Variants in NDST3 observed in about 807,000 individuals in gnomAD.
The protein encoded by NDST3 is bifunctional heparan sulfate N-deacetylase/N-sulfotransferase 3.
In NDST3, 58 loss-of-function variants were observed where a neutral mutation model predicts 96.1. That is an observed-to-expected ratio of 0.60 (90% CI 0.49 to 0.75). The LOEUF (loss-of-function observed/expected upper bound fraction) is 0.75, where lower values mean the gene tolerates loss of function less well. NDST3 is among the 30% of genes least tolerant of loss of function. NDST3 has a pLI of 0.00. For missense variants in NDST3, 788 were observed against 1,034.2 expected, an observed-to-expected ratio of 0.76 and a Z score of 3.27; for synonymous variants, 333 against 359.7, an observed-to-expected ratio of 0.93 and a Z score of 0.84.
intron 12 of NDST3, among the ~76,000 whole-genome samples, chr4:118,249,232 G>A (rs1048238446): frequency 2.0e-5 from 3 of 152,112 alleles, no homozygotes; most frequent in East Asian, 1.9e-4. Flanking sequence ...TTCCAGTTAC[G>A]TTATCTACAG....
chr4:118,224,338 G>C (rs748837597), intron 6 of NDST3, among the ~76,000 whole-genome samples, 153 bp from the exon 7 acceptor site: 4 of 151,988 alleles, frequency 2.6e-5, no homozygotes, highest in Non-Finnish European at 4.4e-5. Context: ...ATATAATGAG[G>C]GTTTGAGGGA....
intron 6 of NDST3, among the ~76,000 whole-genome samples, chr4:118,189,381 T>C (rs909898167): frequency 3.9e-5 from 6 of 152,202 alleles, no homozygotes; most frequent in African/African-American, 1.4e-4. Flanking sequence ...ACATTTCTTA[T>C]TTGTCACTGC....
At chr4:118,207,177 AC>A (rs1738490325) in intron 6 of NDST3, among the ~76,000 whole-genome samples, 1 of 141,760 alleles carries the variant, frequency 7.1e-6, no homozygotes, top group African/African-American at 2.6e-5. Context: ...ACACACACAC[AC>A]ACACACACAC....
At chr4:118,115,062 T>C in intron 4 of NDST3, 102 bp downstream of exon 4, 1 of 1,248,852 alleles carries the variant, frequency 8.0e-7, no homozygotes, top group South Asian at 1.5e-5. Flanking sequence ...GGCTTTTCCA[T>C]ATGATCATTT....
intron 5 of NDST3, among the ~76,000 whole-genome samples, chr4:118,138,454 T>A (rs1321599482): frequency 6.6e-6 from 1 of 152,190 alleles, no homozygotes; most frequent in Non-Finnish European, 1.5e-5. Flanking sequence ...GTTACTGACA[T>A]TACCACTGGT....
chr4:118,238,480 AATATG>A (rs1740825307), intron 10 of NDST3, among the ~76,000 whole-genome samples: 1 of 152,360 alleles, frequency 6.6e-6, no homozygotes, highest in East Asian at 1.9e-4. Context: ...GGAAGGGTTT[AATATG>A]AAGCAGTCAA....
chr4:118,064,522 CTAGA>C (rs906430145), intron 2 of NDST3, among the ~76,000 whole-genome samples: 2 of 151,798 alleles, frequency 1.3e-5, no homozygotes, highest in African/African-American at 4.8e-5. Flanking sequence ...TATTAAACTT[CTAGA>C]TAAACTGAAA....
chr4:118,123,030 G>T (rs1435211804), intron 4 of NDST3, among the ~76,000 whole-genome samples: 1 of 152,136 alleles, frequency 6.6e-6, no homozygotes, highest in Non-Finnish European at 1.5e-5. Flanking sequence ...CTGTTACACA[G>T]ATCTCATAAT....
chr4:118,201,316 G>A (rs536061340), intron 6 of NDST3, among the ~76,000 whole-genome samples: 1 of 152,330 alleles, frequency 6.6e-6, no homozygotes, highest in Non-Finnish European at 1.5e-5. Context: ...TGGTATGGCT[G>A]AGATGAATGG....
intron 6 of NDST3, among the ~76,000 whole-genome samples, chr4:118,159,917 A>G (rs1366371996): frequency 1.3e-5 from 2 of 152,214 alleles, no homozygotes; most frequent in East Asian, 1.9e-4. Context: ...TAAGGGACTT[A>G]GGAAACAACA....
chr4:118,182,101 A>G (rs923596838), intron 6 of NDST3, among the ~76,000 whole-genome samples: 9 of 152,150 alleles, frequency 5.9e-5, no homozygotes, highest in Admixed American at 2.0e-4. Flanking sequence ...TAGGTATGCT[A>G]GCTACACATG....
chr4:118,170,652 C>T (rs567348867), intron 6 of NDST3, among the ~76,000 whole-genome samples: 1 of 152,148 alleles, frequency 6.6e-6, no homozygotes, highest in Non-Finnish European at 1.5e-5. Flanking sequence ...TCGCTTGAAT[C>T]CGGGTGGTGG....
At chr4:118,095,890 A>T (rs1365799125) in intron 2 of NDST3, among the ~76,000 whole-genome samples, 1 of 151,950 alleles carries the variant, frequency 6.6e-6, no homozygotes, top group Non-Finnish European at 1.5e-5. Context: ...ATGTTATAAC[A>T]TGTATCAGTA....
intron 2 of NDST3, among the ~76,000 whole-genome samples, chr4:118,104,335 G>A (rs1319938): frequency 0.85 from 128,637 of 152,068 alleles, 56,196 homozygotes; most frequent in South Asian, 0.96. Context: ...GAGAGAGGGA[G>A]TATAAGAATC....
At chr4:118,166,710 G>A (rs532204285) in intron 6 of NDST3, among the ~76,000 whole-genome samples, 2 of 152,032 alleles carry the variant, frequency 1.3e-5, no homozygotes, top group South Asian at 2.1e-4. Context: ...TGACTAAGTG[G>A]CATTGATTCT....
chr4:118,172,130 T>C (rs1035311250), intron 6 of NDST3, among the ~76,000 whole-genome samples: 17 of 152,226 alleles, frequency 1.1e-4, no homozygotes, highest in African/African-American at 3.9e-4. Flanking sequence ...ATCAGTAAAG[T>C]GAACATGGTC....
intron 1 of NDST3, among the ~76,000 whole-genome samples, chr4:118,036,863 G>A (rs1156687319): frequency 6.6e-6 from 1 of 152,076 alleles, no homozygotes; most frequent in Non-Finnish European, 1.5e-5. Context: ...ACAAATTACT[G>A]AGGGCTATAA....
intron 2 of NDST3, among the ~76,000 whole-genome samples, chr4:118,092,741 G>A (rs1578622529): frequency 6.6e-6 from 1 of 151,804 alleles, no homozygotes; most frequent in Non-Finnish European, 1.5e-5. Context: ...GTAGTGAAGG[G>A]AACACACATG....
At chr4:118,045,723 C>T (rs1011446613) in intron 1 of NDST3, among the ~76,000 whole-genome samples, 1 of 152,022 alleles carries the variant, frequency 6.6e-6, no homozygotes, top group African/African-American at 2.4e-5. Context: ...GGTACAGAGG[C>T]CCAAATGACA....
Sources: allele counts gnomAD v4.1 joint callset (sites outside exome capture counted in the v4.1 genomes callset), GRCh38; gene constraint gnomAD v4.1.1; transcripts MANE v1.5; gene names NCBI Gene and HGNC (gene_info 2026-07-23, HGNC 2026-07-21).